The following TENT4A variants were observed in gnomAD, a reference collection of about 807,000 sequenced individuals.
TENT4A encodes DNA polymerase kappa.
In TENT4A, 7 loss-of-function variants were observed where a neutral mutation model predicts 72.8. That is an observed-to-expected ratio of 0.10 (90% CI 0.05 to 0.18). The LOEUF is 0.18. Ranked by LOEUF, TENT4A falls within the 10% of genes least tolerant of loss-of-function variation. The pLI, the probability that TENT4A is intolerant of heterozygous loss-of-function variation, is 1.00. For synonymous variants in TENT4A, 456 were observed against 434.3 expected (o/e 1.05, Z -0.62); for missense variants, 831 against 1,017.7 (o/e 0.82, Z 2.50).
In TENT4A at chr5:6,751,035, C is replaced by G; in HGVS notation, c.1861-4C>G. On this transcript the variant is annotated splice_region_variant and splice_polypyrimidine_tract_variant and intron_variant, in intron 10 of 12. Coordinates refer to ENST00000230859, the MANE Select transcript of TENT4A (RefSeq NM_006999.6). ...TCCTTTTTGTTTTTTGTACCGGGTT[C>G]AAGGATTCAGACACACCGCCCTGCA... 1.2e-6 allele frequency: 2 copies of G among 1,613,386 alleles called. No individual in the cohort carries two copies. Among genetic ancestry groups the G allele is most frequent in the Non-Finnish European group, 1.7e-6 (2 of 1,179,622 alleles).
chr5:6,730,099 C>CG (rs1412010524), intron 1 of TENT4A, among the ~76,000 whole-genome samples: 2 of 152,086 alleles, frequency 1.3e-5, no homozygotes, highest in Non-Finnish European at 2.9e-5. Flanking sequence ...TTCTCCGCCC[C>CG]CCCCCGGAGT....
chr5:6,751,132 C>T lies in TENT4A; in HGVS notation c.1954C>T (p.Pro652Ser), dbSNP rs778824628. 5 of 1,614,212 alleles carry T rather than the reference C, an allele frequency of 3.1e-6. No individual in the cohort carries two copies. In the South Asian group the frequency reaches 4.4e-5, roughly 14 times the overall value. The change falls in exon 11 of 13, where the codon CCA (proline) becomes TCA (serine). Residue 652 changes from proline to serine, a missense_variant. This residue lies in a region of TENT4A where 332 missense variants were observed against 324.3 expected (regional missense o/e 1.02). Coordinates refer to ENST00000230859, the MANE Select transcript of TENT4A (RefSeq NM_006999.6). ...CATGGCCGGCTTACCCACCGCCTTG[C>T]CAATGCCCAGTGGCAAACCTCAGCC... is the stretch of plus-strand genomic sequence containing the variant. ...PLMAGLPTALPMPSGKPQPTT... is the reference protein window; with the variant it reads ...PLMAGLPTALSMPSGKPQPTT...
intron 1 of TENT4A, among the ~76,000 whole-genome samples, chr5:6,722,331 T>C (rs1021993178): frequency 1.3e-5 from 2 of 152,300 alleles, no homozygotes; most frequent in African/African-American, 2.4e-5. Flanking sequence ...ATTAAGTCCT[T>C]CTTGCCAGCT....
At chr5:6,743,318 C>T (rs879262034) in intron 5 of TENT4A, among the ~76,000 whole-genome samples, 1 of 152,180 alleles carries the variant, frequency 6.6e-6, no homozygotes, top group Non-Finnish European at 1.5e-5. Flanking sequence ...CCTGCCATCT[C>T]CTGCCGCTCT....
At chr5:6,721,584 T>C (rs1740656610) in intron 1 of TENT4A, among the ~76,000 whole-genome samples, 1 of 152,208 alleles carries the variant, frequency 6.6e-6, no homozygotes, top group Non-Finnish European at 1.5e-5. Flanking sequence ...TATGAGCCTG[T>C]CCCTGGTGTC....
intron 1 of TENT4A, among the ~76,000 whole-genome samples, chr5:6,722,062 C>CA (rs1561026515): frequency 1.3e-5 from 2 of 152,178 alleles, no homozygotes; most frequent in African/African-American, 2.4e-5. Flanking sequence ...GTCCATTTCT[C>CA]AGCTTCGGGA....
At chr5:6,754,169 C>T (rs1742565400) in intron 12 of TENT4A, among the ~76,000 whole-genome samples, 1 of 150,068 alleles carries the variant, frequency 6.7e-6, no homozygotes, top group Admixed American at 6.6e-5. Context: ...CAGGGACCTT[C>T]TTACTTCTGT....
chr5:6,727,557 C>T (rs913451945), intron 1 of TENT4A, among the ~76,000 whole-genome samples: 2 of 152,168 alleles, frequency 1.3e-5, no homozygotes, highest in Non-Finnish European at 1.5e-5. Context: ...TCCATCCCAC[C>T]TGGGGGCCCT....
At chr5:6,714,787 G>C (rs893776880) in intron 1 of TENT4A, 88 bp downstream of exon 1, 1 of 518,546 alleles carries the variant, frequency 1.9e-6, no homozygotes, top group Non-Finnish European at 2.7e-6. Flanking sequence ...CCAGGCGCCC[G>C]GGCTTTTGGA....
chr5:6,734,119 C>T (rs192875392), intron 1 of TENT4A, among the ~76,000 whole-genome samples: 260 of 152,312 alleles, frequency 1.7e-3, no homozygotes, highest in African/African-American at 5.9e-3. Flanking sequence ...GCACCGGAGA[C>T]GGAGCAGTGC....
intron 1 of TENT4A, among the ~76,000 whole-genome samples, chr5:6,733,948 G>T (rs1741335431): frequency 6.6e-6 from 1 of 152,214 alleles, no homozygotes; most frequent in South Asian, 2.1e-4. Flanking sequence ...GATTTAAATG[G>T]TTTCTGCTAA....
rs557259475 is a variant in TENT4A at position 6,748,496 on chromosome 5, A to G, written c.1492A>G (p.Met498Val). Reference sequence around the variant, plus strand: ...CGTTGGCCGGAGCTCCTATGGCGCCATGCAGGTGAAGCAGGTCTTCGATTA... The same window carrying G: ...CGTTGGCCGGAGCTCCTATGGCGCCGTGCAGGTGAAGCAGGTCTTCGATTA... ...NDVGRSSYGA[M>V]QVKQVFDYAY... Residue 498 changes from methionine to valine, a missense_variant, in exon 8 of 13, where the codon ATG becomes GTG. This residue lies in a region of TENT4A where 197 missense variants were observed against 399.6 expected (regional missense o/e 0.49). Coordinates refer to ENST00000230859, the MANE Select transcript of TENT4A (RefSeq NM_006999.6). 4.9e-5 allele frequency: 79 copies of G among 1,614,056 alleles called. No individual in the cohort carries two copies. The highest frequency in any genetic ancestry group is 6.1e-5 in the Non-Finnish European group (72 of 1,180,030).
intron 1 of TENT4A, chr5:6,714,934 G>T (rs1027423300): frequency 1.3e-4 from 33 of 253,800 alleles, no homozygotes; most frequent in Non-Finnish European, 2.4e-4. Context: ...TGCTGGGTAG[G>T]ACCTGCAGGT....
intron 1 of TENT4A, 91 bp downstream of exon 1, chr5:6,714,790 C>G (rs1740280675): frequency 4.4e-6 from 3 of 688,790 alleles, no homozygotes; most frequent in Non-Finnish European, 5.8e-6. Flanking sequence ...GGCGCCCGGG[C>G]TTTTGGAGGA....
chr5:6,723,391 T>C (rs1740755993), intron 1 of TENT4A, among the ~76,000 whole-genome samples: 1 of 88,516 alleles, frequency 1.1e-5, no homozygotes, highest in Admixed American at 1.2e-4. Flanking sequence ...ACGAGCACCA[T>C]TGTGGCTCGT....
chr5:6,731,008 T>G (rs1305971663), intron 1 of TENT4A, among the ~76,000 whole-genome samples: 1 of 152,240 alleles, frequency 6.6e-6, no homozygotes, highest in Admixed American at 6.5e-5. Context: ...TAAATATTAA[T>G]CCAGACCCTA....
At position 6,752,967 on chromosome 5, in the gene TENT4A, A is replaced by C; in HGVS notation, c.2114A>C (p.His705Pro). 1 of 1,614,178 alleles carries C rather than the reference A, an allele frequency of 6.2e-7. No homozygotes were observed. The highest frequency in any genetic ancestry group is 8.5e-7 in the Non-Finnish European group (1 of 1,180,036). Residue 705 changes from histidine to proline, a missense_variant, in exon 12 of 13, where the codon CAC becomes CCC. Physicochemically the swap from His to Pro is moderately conservative, Grantham distance 77. Coordinates refer to ENST00000230859, the MANE Select transcript of TENT4A (RefSeq NM_006999.6). ...GGAACTGCGTCTTTGAAAGCCGTCC[A>C]CCACATGTCTTCCCCGGCCATTCCC... is the stretch of plus-strand genomic sequence containing the variant. ...VEGTASLKAVHHMSSPAIPSA... is the reference protein window; with the variant it reads ...VEGTASLKAVPHMSSPAIPSA...
intron 1 of TENT4A, among the ~76,000 whole-genome samples, chr5:6,726,911 C>G (rs1247154020): frequency 6.6e-6 from 1 of 152,134 alleles, no homozygotes; most frequent in East Asian, 1.9e-4. Context: ...GTCTTGGATA[C>G]TTTGTTACCG....
At position 6,751,118 on chromosome 5, in the gene TENT4A, T is replaced by C. The variant is rs1742376939; in HGVS notation, c.1940T>C (p.Leu647Ser). The change falls in exon 11 of 13, where the codon TTA (leucine) becomes TCA (serine). Residue 647 changes from leucine to serine, a missense_variant. Leu to Ser is a moderately radical substitution (Grantham distance 145). Transcript: ENST00000230859. ...LQAPAPLMAGLPTALPMPSGK... is the reference protein window; with the variant it reads ...LQAPAPLMAGSPTALPMPSGK... The stretch of plus-strand genomic sequence containing the variant: ...GCGCCAGCTCCTCTCATGGCCGGCT[T>C]ACCCACCGCCTTGCCAATGCCCAGT... 1.5e-5 allele frequency: 24 copies of C among 1,614,158 alleles called. No homozygotes were observed. The highest frequency in any genetic ancestry group is 2.0e-5 in the Non-Finnish European group (24 of 1,180,024).
Sources: gnomAD v4.1 joint callset for allele counts (sites outside exome capture counted in the v4.1 genomes callset) on GRCh38, gnomAD v4.1.1 for gene constraint, gnomAD v4.1.1 regional missense constraint, MANE v1.5 for transcripts, NCBI Gene and HGNC (gene_info 2026-07-23, HGNC 2026-07-21) for gene names.